The following PDE4DIP variants were observed in gnomAD, a reference collection of about 807,000 sequenced individuals.
The protein encoded by PDE4DIP is myomegalin.
Under a neutral mutation model 221.4 loss-of-function variants are expected in PDE4DIP, and 59 were observed. The observed-to-expected ratio is 0.27, with a 90% CI of 0.22 to 0.33. The LOEUF (loss-of-function observed/expected upper bound fraction) is 0.33, where lower values mean the gene tolerates loss of function less well. Ranked by LOEUF, PDE4DIP falls within the 10% of genes least tolerant of loss-of-function variation. The probability of loss-of-function intolerance (pLI) is 1.00; values close to 1 mark genes in which losing one functional copy is unlikely to be tolerated. For missense variants in PDE4DIP, 1,036 were observed against 2,154.2 expected, an observed-to-expected ratio of 0.48 and a Z score of 10.28; for synonymous variants, 404 against 815.9, an observed-to-expected ratio of 0.50 and a Z score of 8.60.
chr1:148,927,416 T>C (rs2046963747), intron 1 of PDE4DIP, among the ~76,000 whole-genome samples: 2 of 152,020 alleles, frequency 1.3e-5, no homozygotes, highest in Admixed American at 6.6e-5. Flanking sequence ...AATTCTTTAA[T>C]TCTAAGTAAC....
chr1:148,952,033 C>G (rs587754999), intron 5 of PDE4DIP: 17 of 1,008,018 alleles, frequency 1.7e-5, no homozygotes, highest in Non-Finnish European at 1.8e-5. Context: ...CGCTGGCAGC[C>G]GGAGGACGTG....
Position 148,969,136 on chromosome 1 carries a change from C to T in PDE4DIP, c.1980+106C>T, listed in dbSNP as rs111503482. 7.1e-3 allele frequency: 3,890 copies of T among 549,138 alleles called. 22 individuals carry two copies. Among genetic ancestry groups the T allele is most frequent in the African/African-American group, 0.066 (3,522 of 53,290 alleles). The allele number at this position is 549,138 out of a possible 1,614,324, so 34.0% of individuals were successfully genotyped here. A position where few individuals can be genotyped will look rare whatever the true frequency, so the allele number is the denominator to read the frequency against. On this transcript the variant is annotated intron_variant, in intron 14 of 43. Coordinates refer to ENST00000369354, the Ensembl canonical transcript of PDE4DIP. ...ATGTGTGTATATTTATATATTTTACCGTCAACTCTGTTAGTTTCTTTCCTT... is the reference window on the plus strand; with the variant it reads ...ATGTGTGTATATTTATATATTTTACTGTCAACTCTGTTAGTTTCTTTCCTT...
At chr1:149,010,487 C>T (rs782416095) in exon 31 of PDE4DIP, 14 of 1,611,530 alleles carry the variant, frequency 8.7e-6, no homozygotes, top group Non-Finnish European at 1.1e-5. Context: ...GTCTTCTAAA[C>T]CATCATCAAC....
At chr1:148,980,343 G>T (rs1553541534) in intron 20 of PDE4DIP, among the ~76,000 whole-genome samples, 1 of 152,086 alleles carries the variant, frequency 6.6e-6, no homozygotes, top group Non-Finnish European at 1.5e-5. Context: ...AGTGAGCTGG[G>T]TTCACACCAC....
At chr1:148,885,926 G>A (rs1289390475), upstream of PDE4DIP, among the ~76,000 whole-genome samples, 6 of 98,574 alleles carry the variant, frequency 6.1e-5, 1 homozygote, top group Non-Finnish European at 1.0e-4. Context: ...AATATACATA[G>A]TAAGATTTAC....
intron 21 of PDE4DIP, 75 bp downstream of exon 24, chr1:148,981,472 G>C: frequency 6.3e-7 from 1 of 1,589,846 alleles, no homozygotes; most frequent in South Asian, 1.1e-5. Context: ...TGCAGCCCAG[G>C]ATGGAAAACC....
At chr1:148,935,029 C>T (rs1257559827) in intron 4 of PDE4DIP, among the ~76,000 whole-genome samples, 1 of 152,062 alleles carries the variant, frequency 6.6e-6, no homozygotes, top group Admixed American at 6.5e-5. Context: ...TCCTGGCCAA[C>T]ATGGTGAAAC....
intron 22 of PDE4DIP, chr1:148,993,023 GTAGGATCACCTTCTTATAA>G: frequency 3.9e-6 from 1 of 254,456 alleles, no homozygotes; most frequent in Non-Finnish European, 5.9e-6. Context: ...CTTTGTAGTA[GTAGGATCACCTTCTTATAA>G]TAGGATCACC....
intron 1 of PDE4DIP, among the ~76,000 whole-genome samples, chr1:148,816,276 T>C (rs13373982): frequency 2.1e-4 from 31 of 151,168 alleles, no homozygotes; most frequent in African/African-American, 7.2e-4. Flanking sequence ...TTTGTGTCCC[T>C]GTTTTCAATG....
At chr1:149,025,332 C>G (rs1308159483) in intron 38 of PDE4DIP, among the ~76,000 whole-genome samples, 1 of 151,850 alleles carries the variant, frequency 6.6e-6, no homozygotes. Flanking sequence ...GTCCCCCTTT[C>G]CCTCACAGGT....
At chr1:148,960,951 A>G (rs1281452367) in intron 6 of PDE4DIP, among the ~76,000 whole-genome samples, 166 bp downstream of exon 9, 47 of 152,170 alleles carry the variant, frequency 3.1e-4, no homozygotes, top group Non-Finnish European at 1.5e-5. Context: ...CTTTATTCTT[A>G]TGAAGATTTT....
intron 21 of PDE4DIP, chr1:148,985,727 A>C (rs2061797322): frequency 6.6e-6 from 1 of 152,074 alleles, no homozygotes. Flanking sequence ...TTTTTGTTTA[A>C]AGTCAAATTC....
exon 33 of PDE4DIP, chr1:149,016,358 G>A (rs201190340): frequency 1.8e-5 from 28 of 1,515,358 alleles, no homozygotes; most frequent in African/African-American, 8.3e-5. Flanking sequence ...CTTGGAAGCC[G>A]ACTCTTCCTA....
At chr1:148,987,193 A>C (rs1243652634) in intron 21 of PDE4DIP, among the ~76,000 whole-genome samples, 1 of 152,184 alleles carries the variant, frequency 6.6e-6, no homozygotes, top group African/African-American at 2.4e-5. Context: ...AAGATACACC[A>C]TAAAGGGGTT....
chr1:148,956,313 A>G (rs1302836080), intron 5 of PDE4DIP, among the ~76,000 whole-genome samples: 1 of 151,900 alleles, frequency 6.6e-6, no homozygotes, highest in African/African-American at 2.4e-5. Flanking sequence ...TCCACTTACC[A>G]TATTTTATGC....
Position 149,003,596 on chromosome 1 carries a change from G to C in PDE4DIP, c.3767-15G>C, listed in dbSNP as rs1425900477. 1 of 1,610,812 alleles carries C rather than the reference G, an allele frequency of 6.2e-7. No individual in the cohort carries two copies. Among genetic ancestry groups the C allele is most frequent in the Non-Finnish European group, 8.5e-7 (1 of 1,177,680 alleles). On this transcript the variant is annotated splice_polypyrimidine_tract_variant and intron_variant, in intron 25 of 43. Coordinates refer to ENST00000369354, the Ensembl canonical transcript of PDE4DIP. ...GAAATTCAGACATTCTGTAACACCT[G>C]CTTCTCTTCCCAAGCAGGTGAATCC...
intron 9 of PDE4DIP, among the ~76,000 whole-genome samples, chr1:148,964,169 A>G (rs1295293090): frequency 6.9e-6 from 1 of 145,378 alleles, no homozygotes; most frequent in African/African-American, 2.6e-5. Context: ...GAGTGCAACG[A>G]CACAATCTCG....
chr1:148,990,276 AC>A (rs2062760353), intron 21 of PDE4DIP: 1 of 983,816 alleles, frequency 1.0e-6, no homozygotes, highest in African/African-American at 1.7e-5. Flanking sequence ...ATGGAAGAAG[AC>A]TGTGAGCTAG....
intron 1 of PDE4DIP, among the ~76,000 whole-genome samples, chr1:148,813,763 T>C (rs1238628127): frequency 9.0e-5 from 12 of 133,064 alleles, no homozygotes; most frequent in Admixed American, 8.6e-4. Context: ...GGTGTTTTTT[T>C]TTTTCTTTTT....
Sources: gnomAD v4.1 joint callset for allele counts (sites outside exome capture counted in the v4.1 genomes callset) on GRCh38, gnomAD v4.1.1 for gene constraint, MANE v1.5 for transcripts, NCBI Gene and HGNC (gene_info 2026-07-23, HGNC 2026-07-21) for gene names.